NRCAM: variants seen among roughly 807,000 people sequenced by gnomAD.
The protein encoded by NRCAM is NgCAM-related cell adhesion molecule.
Under a neutral mutation model 156.5 loss-of-function variants are expected in NRCAM, and 83 were observed. The ratio of observed to expected loss-of-function variants is 0.53; its 90% CI spans 0.44 to 0.64. NRCAM has a LOEUF of 0.64. Among genes scored for constraint, NRCAM ranks in the 30% least tolerant of loss-of-function variants. The pLI is 0.00. For missense variants in NRCAM, 1,417 were observed against 1,597.3 expected, an observed-to-expected ratio of 0.89 and a Z score of 1.92; for synonymous variants, 538 against 563.9, an observed-to-expected ratio of 0.95 and a Z score of 0.65.
chr7:108,168,827 A>T (rs2056613684), intron 28 of NRCAM, among the ~76,000 whole-genome samples: 1 of 152,188 alleles, frequency 6.6e-6, no homozygotes, highest in Admixed American at 6.5e-5. Context: ...TTTCAAACCT[A>T]TTTGTCATCT....
chr7:108,206,373 C>T (rs2081159627), intron 13 of NRCAM, among the ~76,000 whole-genome samples: 1 of 152,204 alleles, frequency 6.6e-6, no homozygotes, highest in African/African-American at 2.4e-5. Flanking sequence ...TGGATTCTGA[C>T]TTGGAGGCAG....
intron 1 of NRCAM, among the ~76,000 whole-genome samples, chr7:108,420,385 CTG>C (rs1377279686): frequency 1.3e-5 from 2 of 152,118 alleles, no homozygotes; most frequent in Non-Finnish European, 2.9e-5. Context: ...TAAAAAAAGT[CTG>C]TGTGTTCTGA....
chr7:108,414,767 TA>T (rs371150901), intron 1 of NRCAM, among the ~76,000 whole-genome samples: 1 of 151,936 alleles, frequency 6.6e-6, no homozygotes, highest in East Asian at 1.9e-4. Flanking sequence ...AAGAGGGGCT[TA>T]AAAAAACGCT....
chr7:108,160,920 G>A (rs1173669269), intron 30 of NRCAM, among the ~76,000 whole-genome samples: 1 of 152,110 alleles, frequency 6.6e-6, no homozygotes, highest in South Asian at 2.1e-4. Context: ...TCTCTTCAAA[G>A]GAACTGCTTT....
intron 2 of NRCAM, among the ~76,000 whole-genome samples, chr7:108,368,239 C>A (rs1178248637): frequency 1.5e-5 from 2 of 131,854 alleles, no homozygotes; most frequent in African/African-American, 2.7e-5. Flanking sequence ...CCCCCACCCC[C>A]CCGCCTGCTC....
chr7:108,424,555 G>A (rs374556934), intron 1 of NRCAM, among the ~76,000 whole-genome samples: 3 of 152,182 alleles, frequency 2.0e-5, no homozygotes, highest in Non-Finnish European at 4.4e-5. Flanking sequence ...TTCAGACTTC[G>A]TAGTTTTTGT....
intron 3 of NRCAM, among the ~76,000 whole-genome samples, chr7:108,275,443 C>A (rs538513854): frequency 6.6e-6 from 1 of 152,186 alleles, no homozygotes; most frequent in South Asian, 2.1e-4. Context: ...AGAGATTCAA[C>A]TTCTTCCTGG....
chr7:108,420,409 C>T (rs368884870), intron 1 of NRCAM, among the ~76,000 whole-genome samples: 2 of 152,132 alleles, frequency 1.3e-5, no homozygotes, highest in African/African-American at 4.8e-5. Context: ...TAAATGGAAA[C>T]GTCTTACCAA....
intron 2 of NRCAM, among the ~76,000 whole-genome samples, chr7:108,385,230 T>C (rs2099736463): frequency 6.6e-6 from 1 of 152,210 alleles, no homozygotes; most frequent in Admixed American, 6.5e-5. Flanking sequence ...AACCCTTGTA[T>C]TTCCTTAGAG....
chr7:108,318,341 G>A (rs1382595184), intron 2 of NRCAM, among the ~76,000 whole-genome samples: 1 of 152,022 alleles, frequency 6.6e-6, no homozygotes, highest in Non-Finnish European at 1.5e-5. Context: ...CCCCGCACCT[G>A]GCCAGAAATT....
intron 3 of NRCAM, among the ~76,000 whole-genome samples, chr7:108,265,120 G>C (rs1464323359): frequency 6.6e-6 from 1 of 152,176 alleles, no homozygotes; most frequent in Non-Finnish European, 1.5e-5. Context: ...GGCTCATACA[G>C]GGCTTTGGGA....
chr7:108,302,016 T>A (rs2098630782), intron 3 of NRCAM, among the ~76,000 whole-genome samples: 1 of 151,700 alleles, frequency 6.6e-6, no homozygotes, highest in African/African-American at 2.4e-5. Context: ...GTGGCCTGTG[T>A]CTAACTGATC....
chr7:108,255,786 G>A (rs1222931368), intron 3 of NRCAM, among the ~76,000 whole-genome samples: 9 of 151,174 alleles, frequency 6.0e-5, no homozygotes, highest in African/African-American at 1.9e-4. Flanking sequence ...CCGCCACCCC[G>A]TCTGGGAGGT....
chr7:108,409,791 A>G (rs1162866770), intron 1 of NRCAM, among the ~76,000 whole-genome samples: 1 of 152,240 alleles, frequency 6.6e-6, no homozygotes, highest in East Asian at 1.9e-4. Context: ...CTGTGAACAC[A>G]AGGTTATGTT....
At chr7:108,383,274 T>C (rs961935144) in intron 2 of NRCAM, among the ~76,000 whole-genome samples, 1 of 152,220 alleles carries the variant, frequency 6.6e-6, no homozygotes, top group African/African-American at 2.4e-5. Flanking sequence ...TATTTTCACT[T>C]CAGATTTCAT....
chr7:108,288,661 G>T (rs1487379900), intron 3 of NRCAM, among the ~76,000 whole-genome samples: 2 of 152,024 alleles, frequency 1.3e-5, no homozygotes, highest in Non-Finnish European at 2.9e-5. Flanking sequence ...AATTACATAA[G>T]AACCTGTCCC....
chr7:108,210,004 T>C (rs943928237), intron 11 of NRCAM, among the ~76,000 whole-genome samples: 3 of 152,196 alleles, frequency 2.0e-5, no homozygotes, highest in Admixed American at 1.3e-4. Flanking sequence ...TCAGCTGGGA[T>C]TAAACATGTA....
chr7:108,284,571 G>T (rs903173387), intron 3 of NRCAM, among the ~76,000 whole-genome samples: 1 of 152,050 alleles, frequency 6.6e-6, no homozygotes, highest in Non-Finnish European at 1.5e-5. Context: ...TTTGACACTT[G>T]CTCACTTCTG....
chr7:108,236,375 C>T (rs1176437143), intron 5 of NRCAM, among the ~76,000 whole-genome samples: 1 of 152,100 alleles, frequency 6.6e-6, no homozygotes, highest in Non-Finnish European at 1.5e-5. Context: ...TGTCAGTTTC[C>T]CTTCCCTTTG....
Sources: gnomAD v4.1 joint callset for allele counts (sites outside exome capture counted in the v4.1 genomes callset) on GRCh38, gnomAD v4.1.1 for gene constraint, MANE v1.5 for transcripts, NCBI Gene and HGNC (gene_info 2026-07-23, HGNC 2026-07-21) for gene names.